The following TMEM232 variants were observed in gnomAD, a reference collection of about 807,000 sequenced individuals.
TMEM232 encodes transmembrane protein 232.
In TMEM232, 80 loss-of-function variants were observed where a neutral mutation model predicts 78.8. The observed-to-expected ratio is 1.01, with a 90% CI of 0.85 to 1.22. The LOEUF (loss-of-function observed/expected upper bound fraction) is 1.22, where lower values mean the gene tolerates loss of function less well. Among genes scored for constraint, TMEM232 ranks in the 50% most tolerant of loss-of-function variants. TMEM232 has a pLI of 0.00. For synonymous variants in TMEM232, 297 were observed against 254.3 expected, an observed-to-expected ratio of 1.17 and a Z score of -1.60; for missense variants, 881 against 742.2, an observed-to-expected ratio of 1.19 and a Z score of -2.17.
intron 12 of TMEM232, among the ~76,000 whole-genome samples, chr5:110,465,258 G>A (rs1209803028): frequency 1.3e-5 from 2 of 152,218 alleles, no homozygotes; most frequent in African/African-American, 2.4e-5. Context: ...CTCCAGAGCT[G>A]AGGCTATGTC....
chr5:110,434,543 G>T (rs2112706649), intron 12 of TMEM232, among the ~76,000 whole-genome samples: 1 of 151,538 alleles, frequency 6.6e-6, no homozygotes, highest in African/African-American at 2.4e-5. Context: ...CAAAGAAACT[G>T]GTACAAATGC....
intron 13 of TMEM232, among the ~76,000 whole-genome samples, chr5:110,421,108 CAAAACAGAAAGAAAA>C (rs1298737395): frequency 6.6e-6 from 1 of 150,928 alleles, no homozygotes; most frequent in African/African-American, 2.4e-5. Flanking sequence ...GAGATGAAAG[CAAAACAGAAAGAAAA>C]AATACAGAAA....
intron 13 of TMEM232, among the ~76,000 whole-genome samples, chr5:110,424,231 T>C (rs1757002998): frequency 6.6e-6 from 1 of 152,192 alleles, no homozygotes; most frequent in African/African-American, 2.4e-5. Flanking sequence ...GTGCATTATA[T>C]ATGCTATATA....
chr5:110,549,198 A>G (rs56162055), intron 11 of TMEM232, among the ~76,000 whole-genome samples: 4,429 of 152,252 alleles, frequency 0.029, 72 homozygotes, highest in African/African-American at 0.047. Flanking sequence ...ATAAAGTTCA[A>G]TAATTTTAGG....
chr5:110,718,419 T>C (rs1229709183), intron 1 of TMEM232, among the ~76,000 whole-genome samples: 2 of 152,122 alleles, frequency 1.3e-5, no homozygotes, highest in Non-Finnish European at 2.9e-5. Context: ...ATCTTATTTA[T>C]GTTCTTTGTA....
chr5:110,686,224 A>C (rs1580661308), intron 1 of TMEM232, among the ~76,000 whole-genome samples: 1 of 152,204 alleles, frequency 6.6e-6, no homozygotes, highest in East Asian at 1.9e-4. Flanking sequence ...ATGTGGCAGA[A>C]GTGACACTCT....
chr5:110,708,494 T>A (rs1006572461), intron 1 of TMEM232, among the ~76,000 whole-genome samples: 2 of 152,138 alleles, frequency 1.3e-5, no homozygotes, highest in Admixed American at 6.6e-5. Flanking sequence ...GTAGAAAAAC[T>A]AAAAGATGAA....
upstream of TMEM232, chr5:110,738,847 C>T (rs1367862924): frequency 1.5e-6 from 1 of 684,086 alleles, no homozygotes. Flanking sequence ...TTCATTAATC[C>T]CACAACCATA....
chr5:110,614,162 T>C (rs1334148131), intron 8 of TMEM232, among the ~76,000 whole-genome samples: 3 of 152,128 alleles, frequency 2.0e-5, no homozygotes, highest in Non-Finnish European at 4.4e-5. Context: ...CTTCTGTTCA[T>C]TGAGCATTGT....
chr5:110,546,261 G>C (rs926405079), intron 11 of TMEM232, among the ~76,000 whole-genome samples: 22 of 152,096 alleles, frequency 1.4e-4, no homozygotes, highest in Non-Finnish European at 5.9e-5. Context: ...ATAATGTAGA[G>C]AGTAGATAAT....
At chr5:110,450,859 C>T (rs930926481) in intron 12 of TMEM232, among the ~76,000 whole-genome samples, 4 of 152,128 alleles carry the variant, frequency 2.6e-5, no homozygotes, top group South Asian at 2.1e-4. Flanking sequence ...AAGTGTGAAA[C>T]TTCTGAGTTA....
At chr5:110,660,949 T>C (rs551783402) in intron 2 of TMEM232, among the ~76,000 whole-genome samples, 1 of 152,182 alleles carries the variant, frequency 6.6e-6, no homozygotes, top group Non-Finnish European at 1.5e-5. Flanking sequence ...TCTGTTTAAC[T>C]GTATGTTGTC....
At chr5:110,605,585 C>T (rs1159970096) in intron 9 of TMEM232, among the ~76,000 whole-genome samples, 3 of 152,182 alleles carry the variant, frequency 2.0e-5, no homozygotes, top group Middle Eastern at 3.4e-3. Flanking sequence ...ATTTACTTAG[C>T]AGTCAATGGA....
Position 110,585,189 on chromosome 5 carries a change from C to T in TMEM232, c.1277-16564G>A, listed in dbSNP as rs1394931853. On this transcript the variant is annotated intron_variant, in intron 10 of 13. Coordinates refer to ENST00000455884, the MANE Select transcript of TMEM232 (RefSeq NM_001039763.4). ...GTTCCAGCGTGTGTTTTTAGCCCAT[C>T]CCAACAAAAGGAACAGTTACCAACC... 3.3e-5 allele frequency among the ~76,000 whole-genome samples: 5 copies of T among 152,168 alleles called. No homozygotes were observed. In the East Asian group the frequency reaches 9.7e-4, roughly 29 times the overall value.
intron 12 of TMEM232, among the ~76,000 whole-genome samples, chr5:110,482,998 A>G (rs1048251771): frequency 2.7e-5 from 4 of 150,540 alleles, no homozygotes; most frequent in African/African-American, 1.0e-4. Context: ...GTACACTGCT[A>G]AAGGCTGTAT....
At chr5:110,705,049 G>C (rs1024501706) in intron 1 of TMEM232, among the ~76,000 whole-genome samples, 1 of 152,088 alleles carries the variant, frequency 6.6e-6, no homozygotes, top group South Asian at 2.1e-4. Flanking sequence ...CAACCAGAGA[G>C]AATGTGAAAA....
rs542413930 is a variant in TMEM232 at position 110,576,489 on chromosome 5, C to T, written c.1277-7864G>A. ...GCAATTTATAGATTCAGTGCTATTC[C>T]TATTAAACTATCACTGACATTCTTG... On this transcript the variant is annotated intron_variant, in intron 10 of 13. Transcript: ENST00000455884. Among the ~76,000 whole-genome samples the T allele has an allele frequency of 2.2e-4, 33 of 152,172 alleles. No homozygotes were observed. In the South Asian group the frequency reaches 6.6e-3, roughly 31 times the overall value.
At chr5:110,490,159 AAGAAAGAAAGAAAG>A (rs1206293259) in intron 12 of TMEM232, among the ~76,000 whole-genome samples, 7 of 142,808 alleles carry the variant, frequency 4.9e-5, no homozygotes, top group Admixed American at 4.7e-4. Flanking sequence ...GAAAGAAAGA[AAGAAAGAAAGAAAG>A]AAAGAAAGAA....
intron 7 of TMEM232, 139 bp from the exon 8 acceptor site, chr5:110,618,701 G>A (rs1157390133): frequency 2.1e-6 from 2 of 940,344 alleles, no homozygotes; most frequent in Non-Finnish European, 3.0e-6. Context: ...ATTTCACCAA[G>A]TGGAGCAATT....
Sources: gnomAD v4.1 joint callset for allele counts (sites outside exome capture counted in the v4.1 genomes callset) on GRCh38, gnomAD v4.1.1 for gene constraint, MANE v1.5 for transcripts, NCBI Gene and HGNC (gene_info 2026-07-23, HGNC 2026-07-21) for gene names.